CNOT10: variants seen among roughly 807,000 people sequenced by gnomAD.
CNOT10 encodes the protein CCR4-NOT transcription complex, subunit 10.
In CNOT10, 30 loss-of-function variants were observed where a neutral mutation model predicts 94.6. The ratio of observed to expected loss-of-function variants is 0.32; its 90% CI spans 0.24 to 0.43. The LOEUF is 0.43. Among genes scored for constraint, CNOT10 ranks in the 20% least tolerant of loss-of-function variants. The probability of loss-of-function intolerance (pLI) is 1.00; values close to 1 mark genes in which losing one functional copy is unlikely to be tolerated. For missense variants in CNOT10, 759 were observed against 877.2 expected (o/e 0.87, Z 1.70); for synonymous variants, 289 against 301.6 (o/e 0.96, Z 0.43).
chr3:32,765,103 G>A (rs1160094773), intron 17 of CNOT10: 15 of 756,388 alleles, frequency 2.0e-5, no homozygotes, highest in Non-Finnish European at 1.9e-6. Context: ...GGCGGATCAT[G>A]AGGTCAGGAG....
At chr3:32,725,640 A>G in intron 9 of CNOT10, 41 bp downstream of exon 9, 4 of 1,543,210 alleles carry the variant, frequency 2.6e-6, no homozygotes, top group Non-Finnish European at 3.5e-6. Flanking sequence ...TTACTACTTC[A>G]GAAAAGCATG....
chr3:32,743,250 G>A (rs551166120), intron 13 of CNOT10, among the ~76,000 whole-genome samples: 86 of 152,154 alleles, frequency 5.7e-4, no homozygotes, highest in Non-Finnish European at 1.1e-3. Context: ...GCTTCCCAAA[G>A]TGCTGGCATT....
intron 17 of CNOT10, 134 bp from the exon 18 acceptor site, chr3:32,769,753 C>T: frequency 2.9e-6 from 2 of 682,248 alleles, no homozygotes; most frequent in Non-Finnish European, 2.7e-6. Flanking sequence ...CAGAGCAGAA[C>T]AACAGGTAGT....
intron 13 of CNOT10, among the ~76,000 whole-genome samples, chr3:32,757,320 C>G (rs1210351937): frequency 1.3e-5 from 2 of 151,586 alleles, no homozygotes; most frequent in South Asian, 2.1e-4. Flanking sequence ...GCTGGGATTA[C>G]AGGCATGCGC....
intron 1 of CNOT10, among the ~76,000 whole-genome samples, chr3:32,687,334 C>T (rs1268382773): frequency 2.0e-5 from 3 of 151,638 alleles, no homozygotes; most frequent in Non-Finnish European, 2.9e-5. Context: ...TCCTGTCATT[C>T]CCCTTCCTAT....
At chr3:32,729,051 G>A (rs745624868) in intron 10 of CNOT10, among the ~76,000 whole-genome samples, 2 of 152,124 alleles carry the variant, frequency 1.3e-5, no homozygotes, top group African/African-American at 2.4e-5. Flanking sequence ...AGCCAAGATC[G>A]CGCCACTGCA....
intron 1 of CNOT10, among the ~76,000 whole-genome samples, chr3:32,702,679 C>T (rs186229391): frequency 1.3e-5 from 2 of 152,224 alleles, no homozygotes; most frequent in South Asian, 2.1e-4. Context: ...TTTATATCTC[C>T]AGCACCTGCC....
At chr3:32,720,069 G>T (rs779200769) in intron 7 of CNOT10, 45 bp from the exon 8 acceptor site, 3 of 934,462 alleles carry the variant, frequency 3.2e-6, no homozygotes, top group Admixed American at 1.9e-5. Context: ...CTTACATTAG[G>T]CGTCTGAAAA....
chr3:32,725,621 A>G (rs749504496), intron 9 of CNOT10, 22 bp downstream of exon 9: 3 of 1,579,646 alleles, frequency 1.9e-6, no homozygotes, highest in Non-Finnish European at 2.6e-6. Context: ...ACTGGGGGAC[A>G]GTTTGTATTT....
chr3:32,702,389 C>G (rs998401724), intron 1 of CNOT10, among the ~76,000 whole-genome samples: 7 of 152,080 alleles, frequency 4.6e-5, no homozygotes, highest in African/African-American at 1.7e-4. Flanking sequence ...ATTCTATTTT[C>G]AAATTAAAAC....
At chr3:32,769,852 G>A (rs748691861) in intron 17 of CNOT10, 35 bp from the exon 18 acceptor site, 2 of 1,574,868 alleles carry the variant, frequency 1.3e-6, no homozygotes, top group East Asian at 2.2e-5. Context: ...TTAAGCTTTT[G>A]TTTTTTCACG....
intron 1 of CNOT10, chr3:32,695,649 T>C (rs1697014408): frequency 6.5e-7 from 1 of 1,535,940 alleles, no homozygotes; most frequent in Non-Finnish European, 8.7e-7. Flanking sequence ...GTGTAAAGAC[T>C]GTCAAGGTTT....
chr3:32,739,002 T>A (rs1311134504), intron 13 of CNOT10, among the ~76,000 whole-genome samples: 1 of 151,962 alleles, frequency 6.6e-6, no homozygotes, highest in African/African-American at 2.4e-5. Context: ...CCTACCAGTT[T>A]CAGGCGATTC....
At chr3:32,737,613 A>G in intron 13 of CNOT10, 123 bp downstream of exon 13, 1 of 563,844 alleles carries the variant, frequency 1.8e-6, no homozygotes, top group Non-Finnish European at 3.1e-6. Context: ...TCACTAGGTC[A>G]GGAGTTCGAG....
In CNOT10 at chr3:32,685,432, C is replaced by A; in HGVS notation, c.-29C>A. 6.5e-7 allele frequency: 1 copy of A among 1,550,166 alleles called. No homozygotes were observed. Among genetic ancestry groups the A allele is most frequent in the Non-Finnish European group, 8.7e-7 (1 of 1,146,734 alleles). ...GCGGGAGTCAGGGCCACGCCACCTGCAGGGAAGAACCCGAGTCGAAGCGGG... is the reference window on the plus strand; with the variant it reads ...GCGGGAGTCAGGGCCACGCCACCTGAAGGGAAGAACCCGAGTCGAAGCGGG... On this transcript the variant is annotated 5_prime_UTR_variant, in exon 1 of 19. Transcript: ENST00000328834.
intron 14 of CNOT10, among the ~76,000 whole-genome samples, chr3:32,761,829 A>G (rs1005231197): frequency 3.8e-4 from 55 of 145,504 alleles, no homozygotes; most frequent in African/African-American, 1.1e-3. Flanking sequence ...CTGGAGTGCA[A>G]TGGCGTGATC....
At chr3:32,688,098 C>A (rs1696707657) in intron 1 of CNOT10, among the ~76,000 whole-genome samples, 1 of 152,122 alleles carries the variant, frequency 6.6e-6, no homozygotes, top group Admixed American at 6.5e-5. Flanking sequence ...TGAAGTAAGA[C>A]AGGAAGCCTA....
chr3:32,698,288 A>G (rs1697172568), intron 1 of CNOT10, among the ~76,000 whole-genome samples: 1 of 152,216 alleles, frequency 6.6e-6, no homozygotes, highest in African/African-American at 2.4e-5. Context: ...TTTAATTATC[A>G]CAAGTAACAC....
chr3:32,708,029 G>C (rs1029192911), intron 3 of CNOT10, among the ~76,000 whole-genome samples: 1 of 152,036 alleles, frequency 6.6e-6, no homozygotes, highest in East Asian at 1.9e-4. Flanking sequence ...GGGACTACAG[G>C]CACGTGCGAC....
Sources: allele counts gnomAD v4.1 joint callset (sites outside exome capture counted in the v4.1 genomes callset), GRCh38; gene constraint gnomAD v4.1.1; transcripts MANE v1.5; gene names NCBI Gene and HGNC (gene_info 2026-07-23, HGNC 2026-07-21).